The following SMYD3 variants were observed in gnomAD, a reference collection of about 807,000 sequenced individuals.
SMYD3 encodes SET and MYND domain containing 3, also known as histone-lysine N-methyltransferase SMYD3.
SMYD3 carries 36 observed loss-of-function variants against 57.7 expected under a neutral mutation model. The ratio of observed to expected loss-of-function variants is 0.62; its 90% CI spans 0.48 to 0.82. The LOEUF is 0.82. Among genes scored for constraint, SMYD3 ranks in the 40% least tolerant of loss-of-function variants. The probability of loss-of-function intolerance (pLI) is 0.00; values close to 1 mark genes in which losing one functional copy is unlikely to be tolerated. For synonymous variants in SMYD3, 211 were observed against 195.0 expected (o/e 1.08, Z -0.68); for missense variants, 515 against 538.8 (o/e 0.96, Z 0.44).
At chr1:246,120,255 C>T (rs750945853) in intron 5 of SMYD3, among the ~76,000 whole-genome samples, 1 of 152,072 alleles carries the variant, frequency 6.6e-6, no homozygotes, top group Non-Finnish European at 1.5e-5. Flanking sequence ...AAGATAAGAG[C>T]GACCTTCTTG....
intron 5 of SMYD3, among the ~76,000 whole-genome samples, chr1:246,269,286 A>C (rs2064170332): frequency 6.6e-6 from 1 of 152,282 alleles, no homozygotes; most frequent in African/African-American, 2.4e-5. Context: ...TAACTCAATA[A>C]ATACTGAATT....
At chr1:246,361,325 G>C (rs2065983437) in intron 1 of SMYD3, among the ~76,000 whole-genome samples, 1 of 152,150 alleles carries the variant, frequency 6.6e-6, no homozygotes, top group Admixed American at 6.5e-5. Context: ...GCAGTGAAAA[G>C]GGAACACTTT....
At chr1:246,209,544 A>G (rs1263294977) in intron 5 of SMYD3, among the ~76,000 whole-genome samples, 1 of 152,070 alleles carries the variant, frequency 6.6e-6, no homozygotes, top group Non-Finnish European at 1.5e-5. Flanking sequence ...GGTCAGATTC[A>G]TAACTGACAG....
At chr1:246,190,583 T>C (rs1572184766) in intron 5 of SMYD3, among the ~76,000 whole-genome samples, 1 of 20,926 alleles carries the variant, frequency 4.8e-5, no homozygotes, top group African/African-American at 1.4e-4. Flanking sequence ...AGACTCTGTC[T>C]CAAAAAAAAA....
At chr1:246,165,260 T>G (rs1218724933) in intron 5 of SMYD3, among the ~76,000 whole-genome samples, 1 of 152,148 alleles carries the variant, frequency 6.6e-6, no homozygotes, top group Non-Finnish European at 1.5e-5. Context: ...AGACTAAAAA[T>G]GTAAATAATT....
chr1:246,307,490 G>GCTCA (rs1237858832), intron 5 of SMYD3, among the ~76,000 whole-genome samples: 3 of 146,748 alleles, frequency 2.0e-5, no homozygotes, highest in African/African-American at 7.6e-5. Flanking sequence ...CGTGATCTCG[G>GCTCA]CTCACTGCAA....
intron 5 of SMYD3, among the ~76,000 whole-genome samples, chr1:246,269,831 C>G (rs1237509787): frequency 6.6e-6 from 1 of 152,110 alleles, no homozygotes; most frequent in Admixed American, 6.5e-5. Flanking sequence ...CCTCAGCCTC[C>G]CAAAGTGCTG....
At chr1:245,863,183 C>T (rs1402934883) in intron 9 of SMYD3, among the ~76,000 whole-genome samples, 2 of 152,208 alleles carry the variant, frequency 1.3e-5, no homozygotes, top group African/African-American at 2.4e-5. Context: ...CTACCAGGAG[C>T]GGCCTCCTTC....
chr1:246,188,507 T>G (rs1484897881), intron 5 of SMYD3, among the ~76,000 whole-genome samples: 2 of 152,216 alleles, frequency 1.3e-5, no homozygotes. Context: ...TGTGTAACCA[T>G]GACCACTATT....
At chr1:246,344,356 C>A (rs10754511) in intron 2 of SMYD3, among the ~76,000 whole-genome samples, 149,964 of 152,332 alleles carry the variant, frequency 0.98, 73,829 homozygotes, top group East Asian at 1. Context: ...CTAGAACAGT[C>A]TTACTTCTTT....
chr1:246,344,713 G>T (rs2065684702), intron 2 of SMYD3, among the ~76,000 whole-genome samples: 1 of 152,140 alleles, frequency 6.6e-6, no homozygotes, highest in African/African-American at 2.4e-5. Flanking sequence ...AGTTCCAGTT[G>T]CTCCATCACC....
At chr1:246,188,650 C>T (rs1020189116) in intron 5 of SMYD3, among the ~76,000 whole-genome samples, 14 of 151,644 alleles carry the variant, frequency 9.2e-5, no homozygotes, top group African/African-American at 2.7e-4. Context: ...TATAGGCCTA[C>T]CCATAATATG....
At chr1:245,833,073 A>AAAAAAAAAAAC in intron 10 of SMYD3, among the ~76,000 whole-genome samples, 6 of 128,650 alleles carry the variant, frequency 4.7e-5, no homozygotes, top group African/African-American at 8.9e-5. Context: ...AAAAAAAAAA[A>AAAAAAAAAAAC]AACCTGCTTT....
intron 11 of SMYD3, among the ~76,000 whole-genome samples, chr1:245,755,782 TTTAAAAAGAA>T: frequency 6.6e-6 from 1 of 152,264 alleles, no homozygotes; most frequent in South Asian, 2.1e-4. Context: ...TATCATTCTA[TTTAAAAAGAA>T]TTCTTACAGA....
At chr1:246,047,970 A>AT (rs1451668688) in intron 5 of SMYD3, among the ~76,000 whole-genome samples, 2 of 152,190 alleles carry the variant, frequency 1.3e-5, no homozygotes, top group Non-Finnish European at 1.5e-5. Context: ...AAAATGTAAA[A>AT]TTTGTTAGTA....
At chr1:246,333,874 G>A (rs1045842108) in intron 3 of SMYD3, among the ~76,000 whole-genome samples, 31 of 152,092 alleles carry the variant, frequency 2.0e-4, no homozygotes, top group African/African-American at 7.5e-4. Context: ...GCAACAGAGT[G>A]AGACCCTGTC....
At chr1:246,427,295 C>A (rs181619530) in intron 1 of SMYD3, among the ~76,000 whole-genome samples, 2,886 of 151,320 alleles carry the variant, frequency 0.019, 238 homozygotes, top group Admixed American at 0.14. Flanking sequence ...CCGAGGCGGG[C>A]GGATCACGAG....
At chr1:245,782,394 A>G (rs1372902392) in intron 10 of SMYD3, among the ~76,000 whole-genome samples, 1 of 152,258 alleles carries the variant, frequency 6.6e-6, no homozygotes, top group African/African-American at 2.4e-5. Context: ...ATGAGGGAAG[A>G]GTAAACGTTC....
intron 5 of SMYD3, among the ~76,000 whole-genome samples, chr1:246,194,872 T>C (rs1206169446): frequency 1.3e-5 from 2 of 152,318 alleles, no homozygotes; most frequent in East Asian, 3.9e-4. Context: ...CAAAAACGTC[T>C]GAAGAATTAC....
Sources: gnomAD v4.1 joint callset for allele counts (sites outside exome capture counted in the v4.1 genomes callset) on GRCh38, gnomAD v4.1.1 for gene constraint, MANE v1.5 for transcripts, NCBI Gene and HGNC (gene_info 2026-07-23, HGNC 2026-07-21) for gene names.